The following SLC6A2 variants were observed in gnomAD, a reference collection of about 807,000 sequenced individuals.
The protein encoded by SLC6A2 is solute carrier family 6 member 2.
In SLC6A2, 26 loss-of-function variants were observed where a neutral mutation model predicts 71.7. The ratio of observed to expected loss-of-function variants is 0.36; its 90% CI spans 0.27 to 0.50. The LOEUF (loss-of-function observed/expected upper bound fraction) is 0.50, where lower values mean the gene tolerates loss of function less well. SLC6A2 is among the 20% of genes least tolerant of loss of function. SLC6A2 has a pLI of 0.96. For synonymous variants in SLC6A2, 363 were observed against 337.9 expected, an observed-to-expected ratio of 1.07 and a Z score of -0.82; for missense variants, 581 against 803.9, an observed-to-expected ratio of 0.72 and a Z score of 3.35.
chr16:55,668,344 A>T (rs181312583), intron 2 of SLC6A2, among the ~76,000 whole-genome samples: 111 of 152,286 alleles, frequency 7.3e-4, no homozygotes, highest in Non-Finnish European at 1.3e-3. Flanking sequence ...GTGAGGATTG[A>T]ATGAAAGTGC....
At position 55,656,618 on chromosome 16, in the gene SLC6A2, C is replaced by A; in HGVS notation, c.-51-26C>A. ...AAGTAGGGAGGAACGGCCGGGTAAC[C>A]ACCTCTTTTCCCTTTATCCAAGCAG... is the stretch of plus-strand genomic sequence containing the variant. On this transcript the variant is annotated intron_variant, in intron 1 of 14. Coordinates refer to ENST00000568943, the MANE Select transcript of SLC6A2 (RefSeq NM_001172501.3). This position sits in a 1 kb window ranked among gnomAD's most constrained non-coding sequence, Gnocchi z 4.5. The A allele has an allele frequency of 6.3e-7, 1 of 1,585,604 alleles. No homozygotes were observed. The highest frequency in any genetic ancestry group is 8.6e-7 in the Non-Finnish European group (1 of 1,159,624).
chr16:55,686,382 G>A (rs1475337782), intron 5 of SLC6A2, among the ~76,000 whole-genome samples: 2 of 152,134 alleles, frequency 1.3e-5, no homozygotes, highest in Non-Finnish European at 2.9e-5. Flanking sequence ...GTCCCAAGCA[G>A]ACAAGCCCCA....
Position 55,656,834 on chromosome 16 carries a change from C to A in SLC6A2, c.140C>A (p.Ala47Glu). ...CGCAACGGCGTCCAGTGCCTGCTGG[C>A]GCCCCGCGACGGCGACGCGCAGCCC... The part of the protein sequence containing the change: ...KERNGVQCLL[A>E]PRDGDAQPRE... Residue 47 changes from alanine (A) to glutamate (E), a missense_variant, in exon 2 of 15, where the codon GCG becomes GAG. Coordinates refer to ENST00000568943, the MANE Select transcript of SLC6A2 (RefSeq NM_001172501.3). The surrounding 1 kb of genome is among the most constrained non-coding windows in gnomAD (Gnocchi z 4.5). The A allele has an allele frequency of 3.1e-6, 5 of 1,613,534 alleles. No individual in the cohort carries two copies. The highest frequency in any genetic ancestry group is 4.2e-6 in the Non-Finnish European group (5 of 1,179,792).
At chr16:55,680,959 C>T (rs1337359967) in intron 4 of SLC6A2, among the ~76,000 whole-genome samples, 2 of 152,118 alleles carry the variant, frequency 1.3e-5, no homozygotes, top group African/African-American at 4.8e-5. Context: ...CAACTCTGCT[C>T]ATTCATTCAC....
intron 5 of SLC6A2, among the ~76,000 whole-genome samples, chr16:55,687,733 C>T (rs1965499188): frequency 6.6e-6 from 1 of 152,196 alleles, no homozygotes; most frequent in Non-Finnish European, 1.5e-5. Flanking sequence ...TAACATTGCA[C>T]CCCAAGATTG....
At chr16:55,665,283 G>A (rs1162494413) in intron 2 of SLC6A2, among the ~76,000 whole-genome samples, 3 of 152,186 alleles carry the variant, frequency 2.0e-5, no homozygotes, top group South Asian at 2.1e-4. Context: ...ACCTTTAAAT[G>A]TGTCGAAGTG....
chr16:55,698,266 C>T (rs1445375977), intron 10 of SLC6A2, among the ~76,000 whole-genome samples: 1 of 152,140 alleles, frequency 6.6e-6, no homozygotes, highest in African/African-American at 2.4e-5. Context: ...GCAAAAGTCC[C>T]TTTGGAACCC....
chr16:55,694,244 T>G (rs985059144), intron 7 of SLC6A2, 131 bp downstream of exon 7: 2 of 725,472 alleles, frequency 2.8e-6, no homozygotes, highest in Non-Finnish European at 5.0e-6. Context: ...TGAACCATCC[T>G]GGGCATTCTA....
intron 5 of SLC6A2, among the ~76,000 whole-genome samples, chr16:55,685,551 T>C (rs1176873780): frequency 6.6e-6 from 1 of 152,102 alleles, no homozygotes; most frequent in Non-Finnish European, 1.5e-5. Flanking sequence ...ACCTCCCTAA[T>C]AGCAGAGACC....
chr16:55,699,995 C>G (rs1302195906), intron 12 of SLC6A2, 144 bp from the exon 13 acceptor site: 1 of 738,986 alleles, frequency 1.4e-6, no homozygotes, highest in Admixed American at 2.0e-5. Context: ...TTCTCTTTTC[C>G]ACTCCTTCCT....
chr16:55,658,124 C>T (rs1172663870), intron 2 of SLC6A2, among the ~76,000 whole-genome samples: 3 of 152,128 alleles, frequency 2.0e-5, no homozygotes, highest in Non-Finnish European at 4.4e-5. Flanking sequence ...AGAGGGAAAG[C>T]TCATGACCTG....
At chr16:55,696,480 C>CA (rs1156503070) in intron 9 of SLC6A2, 143 bp downstream of exon 9, 2 of 672,126 alleles carry the variant, frequency 3.0e-6, no homozygotes, top group East Asian at 2.6e-5. Flanking sequence ...TAAATGCAGA[C>CA]AAAAAAAGTG....
chr16:55,693,430 TACAGATGAGGAAACAG>T (rs1965699133), intron 6 of SLC6A2, among the ~76,000 whole-genome samples: 1 of 152,058 alleles, frequency 6.6e-6, no homozygotes, highest in Non-Finnish European at 1.5e-5. Flanking sequence ...ATCCCCATTA[TACAGATGAGGAAACAG>T]ACAGAGAGAA....
chr16:55,692,939 T>C (rs1965682600), intron 6 of SLC6A2, among the ~76,000 whole-genome samples: 1 of 152,178 alleles, frequency 6.6e-6, no homozygotes, highest in South Asian at 2.1e-4. Flanking sequence ...GCCTCGTAAA[T>C]TGCAAAATAA....
intron 4 of SLC6A2, among the ~76,000 whole-genome samples, chr16:55,683,818 C>T (rs1965358863): frequency 6.6e-6 from 1 of 152,146 alleles, no homozygotes; most frequent in African/African-American, 2.4e-5. Flanking sequence ...CATGTCCTCT[C>T]CTAGTCAGTA....
chr16:55,668,236 C>A (rs1964807751), intron 2 of SLC6A2, among the ~76,000 whole-genome samples: 1 of 152,060 alleles, frequency 6.6e-6, no homozygotes, highest in African/African-American at 2.4e-5. Flanking sequence ...TGAGTTTGAC[C>A]CTAGGTATCA....
In SLC6A2 at chr16:55,656,838, C is replaced by T. The variant is rs1964467568; in HGVS notation, c.144C>T (p.Pro48=). ...ACGGCGTCCAGTGCCTGCTGGCGCC[C>T]CGCGACGGCGACGCGCAGCCCCGGG... ...ERNGVQCLLA[P]RDGDAQPRET... Residue 48 remains proline, a synonymous_variant, in exon 2 of 15, where the codon CCC becomes CCT. Coordinates refer to ENST00000568943, the MANE Select transcript of SLC6A2 (RefSeq NM_001172501.3). The surrounding 1 kb of genome is among the most constrained non-coding windows in gnomAD (Gnocchi z 4.5). 1 of 1,613,606 alleles carries T rather than the reference C, an allele frequency of 6.2e-7. No homozygotes were observed. The highest frequency in any genetic ancestry group is 8.5e-7 in the Non-Finnish European group (1 of 1,179,788).
At chr16:55,665,944 G>A (rs1277978293) in intron 2 of SLC6A2, among the ~76,000 whole-genome samples, 1 of 152,208 alleles carries the variant, frequency 6.6e-6, no homozygotes, top group Non-Finnish European at 1.5e-5. Flanking sequence ...TTTCATGGTC[G>A]ACAGTTCTTT....
At chr16:55,696,060 G>A (rs544475806) in intron 8 of SLC6A2, among the ~76,000 whole-genome samples, 165 bp from the exon 9 acceptor site, 1 of 152,312 alleles carries the variant, frequency 6.6e-6, no homozygotes, top group South Asian at 2.1e-4. Flanking sequence ...CCTCTCCGAT[G>A]CACAGGTGAG....
Sources: gnomAD v4.1 joint callset for allele counts (sites outside exome capture counted in the v4.1 genomes callset) on GRCh38, gnomAD v4.1.1 for gene constraint, Gnocchi (gnomAD v3.1) non-coding constraint, MANE v1.5 for transcripts, NCBI Gene and HGNC (gene_info 2026-07-23, HGNC 2026-07-21) for gene names.